CPNE8: variants seen among roughly 807,000 people sequenced by gnomAD.
CPNE8 encodes the protein copine-8.
In CPNE8, 45 loss-of-function variants were observed where a neutral mutation model predicts 81.5. That is an observed-to-expected ratio of 0.55 (90% CI 0.44 to 0.71). The LOEUF is 0.71. Ranked by LOEUF, CPNE8 falls within the 30% of genes least tolerant of loss-of-function variation. The pLI, the probability that CPNE8 is intolerant of heterozygous loss-of-function variation, is 0.00. For missense variants in CPNE8, 594 were observed against 672.1 expected (o/e 0.88, Z 1.28); for synonymous variants, 252 against 226.3 (o/e 1.11, Z -1.02).
In CPNE8 at chr12:38,762,210, T is replaced by A. The variant is rs774179949; in HGVS notation, c.582A>T (p.Thr194=). 2.6e-6 allele frequency: 4 copies of A among 1,568,036 alleles called. No homozygotes were observed. The highest frequency in any genetic ancestry group is 3.5e-6 in the Non-Finnish European group (4 of 1,149,928). Residue 194 remains threonine (T), a synonymous_variant, in exon 9 of 20, where the codon ACA becomes ACT. Transcript: ENST00000331366. ...FYRSNEDGSF[T]ICHKTEVVKN... ...TGACAACTTCTGTCTTGTGACAAAT[T>A]GTAAAACTATAAAGAAAGAGTTTTC...
intron 10 of CPNE8, among the ~76,000 whole-genome samples, chr12:38,750,288 C>T (rs1403428720): frequency 6.6e-6 from 1 of 152,138 alleles, no homozygotes; most frequent in African/African-American, 2.4e-5. Context: ...AGGGGCGGGG[C>T]CCTCATGGAG....
At chr12:38,803,028 C>T (rs1353484444) in intron 6 of CPNE8, among the ~76,000 whole-genome samples, 3 of 91,988 alleles carry the variant, frequency 3.3e-5, no homozygotes, top group Non-Finnish European at 6.5e-5. Flanking sequence ...GTTTACCAAC[C>T]AAAAAGAGTC....
intron 5 of CPNE8, among the ~76,000 whole-genome samples, chr12:38,830,541 C>G (rs1010031916): frequency 3.3e-5 from 5 of 152,110 alleles, no homozygotes; most frequent in Non-Finnish European, 5.9e-5. Flanking sequence ...TCTAGCTTAG[C>G]CTGTATGTGT....
chr12:38,840,434 C>A (rs1203824885), intron 4 of CPNE8, among the ~76,000 whole-genome samples: 1 of 152,058 alleles, frequency 6.6e-6, no homozygotes, highest in Non-Finnish European at 1.5e-5. Flanking sequence ...TGTGATATTG[C>A]AAGATGTTGC....
intron 6 of CPNE8, among the ~76,000 whole-genome samples, chr12:38,817,785 G>A (rs1433616561): frequency 2.6e-5 from 4 of 151,572 alleles, no homozygotes; most frequent in Middle Eastern, 3.2e-3. Flanking sequence ...CGCTACGCCC[G>A]GCTAATTTTT....
intron 10 of CPNE8, among the ~76,000 whole-genome samples, chr12:38,738,786 A>C (rs888877746): frequency 2.6e-5 from 4 of 151,460 alleles, no homozygotes; most frequent in African/African-American, 9.7e-5. Flanking sequence ...CTCACCTCTC[A>C]AAATTAAAAT....
At chr12:38,807,107 C>G (rs11537523) in intron 6 of CPNE8, among the ~76,000 whole-genome samples, 4 of 151,886 alleles carry the variant, frequency 2.6e-5, no homozygotes, top group Non-Finnish European at 5.9e-5. Flanking sequence ...AAAGAGGACA[C>G]AAACAAATGG....
intron 6 of CPNE8, among the ~76,000 whole-genome samples, chr12:38,822,873 C>A (rs1181917695): frequency 6.6e-6 from 1 of 152,184 alleles, no homozygotes; most frequent in Non-Finnish European, 1.5e-5. Context: ...ATTCTTCCCA[C>A]TGAAGTAAAT....
At chr12:38,755,473 T>C (rs1200032644) in intron 10 of CPNE8, among the ~76,000 whole-genome samples, 2 of 152,114 alleles carry the variant, frequency 1.3e-5, no homozygotes, top group Non-Finnish European at 2.9e-5. Context: ...CTTCAAGCAA[T>C]TGAAGCTTTT....
At chr12:38,662,001 A>T (rs2202196) in intron 19 of CPNE8, among the ~76,000 whole-genome samples, 1 of 152,104 alleles carries the variant, frequency 6.6e-6, no homozygotes, top group Admixed American at 6.6e-5. Flanking sequence ...ATAGAAGGAA[A>T]ATACCTCAAC....
intron 3 of CPNE8, among the ~76,000 whole-genome samples, chr12:38,863,628 CATT>C (rs1261815537): frequency 2.6e-5 from 4 of 152,148 alleles, no homozygotes; most frequent in African/African-American, 7.2e-5. Context: ...CAGCTGGAAA[CATT>C]ATGGAAATAC....
intron 7 of CPNE8, among the ~76,000 whole-genome samples, chr12:38,771,821 C>T (rs949017593): frequency 6.6e-6 from 1 of 152,098 alleles, no homozygotes; most frequent in Non-Finnish European, 1.5e-5. Context: ...GGGACTGCAT[C>T]AAACTACAAA....
intron 5 of CPNE8, among the ~76,000 whole-genome samples, chr12:38,834,665 C>T (rs181266796): frequency 7.7e-4 from 118 of 152,290 alleles, no homozygotes; most frequent in African/African-American, 2.7e-3. Context: ...TCAACTGTCA[C>T]AGTCACCATT....
intron 15 of CPNE8, among the ~76,000 whole-genome samples, chr12:38,692,767 G>A (rs1939706160): frequency 6.6e-6 from 1 of 152,168 alleles, no homozygotes; most frequent in Admixed American, 6.5e-5. Flanking sequence ...GTACATTACA[G>A]AGAGCCACAC....
chr12:38,785,634 C>T (rs1294497223), intron 6 of CPNE8, among the ~76,000 whole-genome samples: 8 of 152,112 alleles, frequency 5.3e-5, no homozygotes, highest in Non-Finnish European at 8.8e-5. Context: ...TCCCCAGCCA[C>T]GTGGAACTAT....
intron 6 of CPNE8, among the ~76,000 whole-genome samples, chr12:38,779,195 C>T (rs1941995342): frequency 6.6e-6 from 1 of 152,082 alleles, no homozygotes; most frequent in African/African-American, 2.4e-5. Flanking sequence ...TTTATAAATG[C>T]TCAGATAACA....
rs968748818 is a variant in CPNE8 at position 38,835,137 on chromosome 12, G to A, written c.330+4779C>T. On this transcript the variant is annotated intron_variant, in intron 5 of 19. Transcript: ENST00000331366. ...CCTGACCTCGTGATCTGCCCACCTC[G>A]GCCTCTCAAAGTGCTGGGATTACAA... is the stretch of plus-strand genomic sequence containing the variant. 4.6e-5 allele frequency among the ~76,000 whole-genome samples: 7 copies of A among 151,980 alleles called. 1 individual carries two copies. The highest frequency in any genetic ancestry group is 6.6e-5 in the Admixed American group (1 of 15,250).
At chr12:38,774,601 AG>A (rs1941883955) in intron 7 of CPNE8, among the ~76,000 whole-genome samples, 1 of 85,180 alleles carries the variant, frequency 1.2e-5, no homozygotes, top group Non-Finnish European at 2.9e-5. Context: ...GTTAATTGCC[AG>A]GACTGGAAGA....
intron 4 of CPNE8, among the ~76,000 whole-genome samples, chr12:38,842,195 A>T (rs145384925): frequency 1.3e-4 from 20 of 152,290 alleles, no homozygotes; most frequent in African/African-American, 4.6e-4. Flanking sequence ...AGTACAAAAA[A>T]ATACATTTTT....
Sources: gnomAD v4.1 joint callset for allele counts (sites outside exome capture counted in the v4.1 genomes callset) on GRCh38, gnomAD v4.1.1 for gene constraint, MANE v1.5 for transcripts, NCBI Gene and HGNC (gene_info 2026-07-23, HGNC 2026-07-21) for gene names.